Variants in DIPK1A observed in about 807,000 individuals in gnomAD.
DIPK1A encodes the protein family with sequence similarity 69 member A.
A neutral mutation model predicts 40.8 loss-of-function variants in DIPK1A; 27 were observed. The ratio of observed to expected loss-of-function variants is 0.66; its 90% CI spans 0.49 to 0.91. The LOEUF (loss-of-function observed/expected upper bound fraction) is 0.91, where lower values mean the gene tolerates loss of function less well. Among genes scored for constraint, DIPK1A ranks in the 40% least tolerant of loss-of-function variants. The pLI, the probability that DIPK1A is intolerant of heterozygous loss-of-function variation, is 0.00. For synonymous variants in DIPK1A, 166 were observed against 171.3 expected (o/e 0.97, Z 0.24); for missense variants, 412 against 505.7 (o/e 0.81, Z 1.78).
intron 1 of DIPK1A, among the ~76,000 whole-genome samples, chr1:92,934,819 G>A (rs1448993773): frequency 6.6e-6 from 1 of 152,114 alleles, no homozygotes; most frequent in African/African-American, 2.4e-5. Context: ...AGAGTTCCTG[G>A]CAAAAATAAA....
chr1:92,840,977 G>T (rs533555644), downstream of DIPK1A: 1 of 418,648 alleles, frequency 2.4e-6, no homozygotes, highest in Non-Finnish European at 4.6e-6. Flanking sequence ...GTGATGTGAT[G>T]GCCCACAAAT....
In DIPK1A at chr1:92,937,043, T is replaced by C. The variant is rs148210360; in HGVS notation, c.54+24333A>G. Among the ~76,000 whole-genome samples the C allele has an allele frequency of 2.0e-4, 31 of 152,356 alleles. No homozygotes were observed. In the East Asian group the frequency reaches 5.8e-3, roughly 28 times the overall value. Reference sequence around the variant, plus strand: ...TTGAATAGGATCATGAGTTTTACTATGTAATAAATTCTTACCAGTTTTATG... The same window carrying C: ...TTGAATAGGATCATGAGTTTTACTACGTAATAAATTCTTACCAGTTTTATG... On this transcript the variant is annotated intron_variant, in intron 1 of 4. Coordinates refer to ENST00000370310, the MANE Select transcript of DIPK1A (RefSeq NM_001006605.5).
intron 1 of DIPK1A, among the ~76,000 whole-genome samples, chr1:92,903,643 G>A (rs543839635): frequency 3.3e-5 from 5 of 152,280 alleles, no homozygotes; most frequent in African/African-American, 7.2e-5. Context: ...TAGGAGGCAG[G>A]AGAGCTAGTC....
intron 1 of DIPK1A, among the ~76,000 whole-genome samples, chr1:92,878,479 G>A (rs1248319555): frequency 6.6e-6 from 1 of 152,044 alleles, no homozygotes; most frequent in African/African-American, 2.4e-5. Flanking sequence ...GAGGTGAGGA[G>A]TTCAAGACCA....
chr1:92,863,601 T>G (rs888718302), intron 2 of DIPK1A, among the ~76,000 whole-genome samples: 2 of 142,226 alleles, frequency 1.4e-5, no homozygotes, highest in Non-Finnish European at 3.1e-5. Flanking sequence ...CCACAAAAAT[T>G]AAAATAAAAT....
chr1:92,943,083 G>A (rs565536056), intron 1 of DIPK1A, among the ~76,000 whole-genome samples: 1 of 152,264 alleles, frequency 6.6e-6, no homozygotes, highest in South Asian at 2.1e-4. Flanking sequence ...AGTTTAAGAT[G>A]GTAGACTAAA....
intron 1 of DIPK1A, among the ~76,000 whole-genome samples, chr1:92,895,130 G>T (rs1343380205): frequency 6.6e-6 from 1 of 151,990 alleles, no homozygotes; most frequent in Non-Finnish European, 1.5e-5. Flanking sequence ...TAGAAAAAGA[G>T]GGAATCCTCC....
intron 1 of DIPK1A, 84 bp downstream of exon 1, chr1:92,961,291 AG>A: frequency 1.0e-6 from 1 of 980,610 alleles, no homozygotes; most frequent in Non-Finnish European, 1.4e-6. Context: ...GGGAGGGAGG[AG>A]GGGAGCGGGC....
At chr1:92,937,529 C>T (rs563796313) in intron 1 of DIPK1A, among the ~76,000 whole-genome samples, 26 of 152,284 alleles carry the variant, frequency 1.7e-4, no homozygotes, top group African/African-American at 6.3e-4. Context: ...GGCTCTGACA[C>T]ATCTTTCAGC....
At chr1:92,876,971 T>C (rs1402499193) in intron 1 of DIPK1A, 5 of 985,082 alleles carry the variant, frequency 5.1e-6, no homozygotes, top group African/African-American at 1.7e-5. Flanking sequence ...CAGGGCTTTA[T>C]GTTCCTCTTG....
chr1:92,937,310 A>T (rs1354718793), intron 1 of DIPK1A, among the ~76,000 whole-genome samples: 1 of 152,156 alleles, frequency 6.6e-6, no homozygotes, highest in African/African-American at 2.4e-5. Context: ...AATATTAAAA[A>T]AAAATAGCCG....
intron 1 of DIPK1A, among the ~76,000 whole-genome samples, chr1:92,919,159 C>T (rs982512163): frequency 2.0e-5 from 3 of 152,198 alleles, no homozygotes; most frequent in Non-Finnish European, 4.4e-5. Context: ...ACAATAAACA[C>T]TAAAATATAG....
In DIPK1A at chr1:92,842,790, T is replaced by C. The variant is rs980665504; in HGVS notation, c.*593A>G. The C allele has an allele frequency of 1.0e-6, 1 of 985,454 alleles. No homozygotes were observed. The highest frequency in any genetic ancestry group is 1.2e-6 in the Non-Finnish European group (1 of 829,936). 61.0% of individuals were successfully genotyped at this position (985,454 alleles called of 1,614,324 possible). A position where few individuals can be genotyped will look rare whatever the true frequency, so the allele number is the denominator to read the frequency against. On this transcript the variant is annotated 3_prime_UTR_variant, in exon 5 of 5. Transcript: ENST00000370310. The stretch of plus-strand genomic sequence containing the variant: ...GTGTACTGTCAAGTATAAGATTTCT[T>C]GAAGTAAGCCACTTGAACCATTGTG...
At chr1:92,921,952 A>ATT (rs200740545) in intron 1 of DIPK1A, among the ~76,000 whole-genome samples, 2 of 151,346 alleles carry the variant, frequency 1.3e-5, no homozygotes, top group African/African-American at 4.8e-5. Flanking sequence ...TTATTTATTT[A>ATT]TTTTTTTTTC....
rs573988640 is a variant in DIPK1A at position 92,875,661 on chromosome 1, C to A, written c.189+635G>T. Among the ~76,000 whole-genome samples, 38 of 147,718 alleles carry A rather than the reference C, an allele frequency of 2.6e-4. 1 individual carries two copies. The South Asian group carries it at 5.7e-3, about 22-fold the overall frequency. ...GAACCTGGGAGGCAGTTGCAGTAGGCTGAGATTGTACCACTGCACTCCAGC... is the reference window on the plus strand; with the variant it reads ...GAACCTGGGAGGCAGTTGCAGTAGGATGAGATTGTACCACTGCACTCCAGC... On this transcript the variant is annotated intron_variant, in intron 2 of 4. Coordinates refer to ENST00000370310, the MANE Select transcript of DIPK1A (RefSeq NM_001006605.5).
intron 1 of DIPK1A, among the ~76,000 whole-genome samples, chr1:92,958,278 T>C (rs1651926611): frequency 6.6e-6 from 1 of 152,176 alleles, no homozygotes; most frequent in African/African-American, 2.4e-5. Flanking sequence ...TCTGGATTAA[T>C]AAAAATACTG....
intron 1 of DIPK1A, among the ~76,000 whole-genome samples, chr1:92,908,142 T>A (rs1177223781): frequency 6.6e-6 from 1 of 152,110 alleles, no homozygotes; most frequent in East Asian, 1.9e-4. Context: ...TGTCTATGAG[T>A]CATGCAAGTG....
At chr1:92,944,793 A>G (rs1337076243) in intron 1 of DIPK1A, among the ~76,000 whole-genome samples, 1 of 151,998 alleles carries the variant, frequency 6.6e-6, no homozygotes, top group East Asian at 1.9e-4. Context: ...TTGTATTAGG[A>G]TCACTTGAAC....
intron 1 of DIPK1A, among the ~76,000 whole-genome samples, chr1:92,882,746 TTTCTC>T (rs1169142256): frequency 2.6e-5 from 4 of 152,206 alleles, no homozygotes; most frequent in East Asian, 1.9e-4. Flanking sequence ...AATGTATACT[TTTCTC>T]TTCAACTTCT....
Sources: allele counts gnomAD v4.1 joint callset (sites outside exome capture counted in the v4.1 genomes callset), GRCh38; gene constraint gnomAD v4.1.1; transcripts MANE v1.5; gene names NCBI Gene and HGNC (gene_info 2026-07-23, HGNC 2026-07-21).